WNK1: variants seen among roughly 807,000 people sequenced by gnomAD.
WNK1 encodes serine/threonine-protein kinase WNK1.
In WNK1, 38 loss-of-function variants were observed where a neutral mutation model predicts 222.8. That is an observed-to-expected ratio of 0.17 (90% CI 0.13 to 0.22). The LOEUF is 0.22. Among genes scored for constraint, WNK1 ranks in the 10% least tolerant of loss-of-function variants. WNK1 has a pLI of 1.00. For synonymous variants in WNK1, 1,090 were observed against 1,092.9 expected, an observed-to-expected ratio of 1.00 and a Z score of 0.05; for missense variants, 2,348 against 2,918.4, an observed-to-expected ratio of 0.80 and a Z score of 4.50.
chr12:779,409 T>C (rs74702368), intron 1 of WNK1, among the ~76,000 whole-genome samples: 11,360 of 137,320 alleles, frequency 0.083, 502 homozygotes, highest in African/African-American at 0.096. Context: ...TTTTTTTTTT[T>C]CTTTTTTTTT....
chr12:909,017 A>G lies in WNK1; in HGVS notation c.*225A>G. Reference sequence around the variant, plus strand: ...GGAAGGAAAGAACAGCTTTTTTGTCAAGGGGCAGCTTCAGACCATGCTTTC... The same window carrying G: ...GGAAGGAAAGAACAGCTTTTTTGTCGAGGGGCAGCTTCAGACCATGCTTTC... On this transcript the variant is annotated 3_prime_UTR_variant, in exon 28 of 28. Coordinates refer to ENST00000315939, the MANE Select transcript of WNK1 (RefSeq NM_018979.4). 1.7e-6 allele frequency: 1 copy of G among 583,104 alleles called. No individual in the cohort carries two copies. The highest frequency in any genetic ancestry group is 3.0e-6 in the Non-Finnish European group (1 of 328,648). The allele number at this position is 583,104 out of a possible 1,614,324, so 36.1% of individuals were successfully genotyped here.
intron 26 of WNK1, chr12:904,564 G>A: frequency 9.3e-7 from 1 of 1,076,652 alleles, no homozygotes; most frequent in African/African-American, 1.6e-5. Flanking sequence ...TTTCAACTCT[G>A]CAGTCTCATA....
chr12:819,282 A>G (rs917209063), intron 2 of WNK1, among the ~76,000 whole-genome samples: 6 of 152,128 alleles, frequency 3.9e-5, no homozygotes, highest in African/African-American at 1.4e-4. Flanking sequence ...ATTTTCTCCT[A>G]TAGGTTGCCT....
chr12:884,760 C>G lies in WNK1; in HGVS notation c.3956C>G (p.Pro1319Arg), dbSNP rs867339979. ...AGACGTGCCCAAATGACAGAAGGAC[C>G]CAACACAGCACCTCCAAACTTTAGT... ...ELRRAQMTEG[P>R]NTAPPNFSHT... Residue 1319 changes from proline (P) to arginine (R), a missense_variant, in exon 19 of 28, where the codon CCC becomes CGC. By Grantham distance (103) the Pro-to-Arg change is moderately radical (BLOSUM62 -2). Coordinates refer to ENST00000315939, the MANE Select transcript of WNK1 (RefSeq NM_018979.4). The surrounding 1 kb of genome is among the most constrained non-coding windows in gnomAD (Gnocchi z 5.6). 1 of 1,614,114 alleles carries G rather than the reference C, an allele frequency of 6.2e-7. No homozygotes were observed.
chr12:883,340 G>T (rs1159050059), intron 15 of WNK1, 55 bp from the exon 16 acceptor site: 1 of 1,593,066 alleles, frequency 6.3e-7, no homozygotes, highest in African/African-American at 1.3e-5. Context: ...TCATAAAAGT[G>T]ACATAAAGTT....
At chr12:868,182 A>G (rs1448639858) in intron 8 of WNK1, 1 of 1,613,974 alleles carries the variant, frequency 6.2e-7, no homozygotes. Context: ...ATACAGGTCC[A>G]TCCTATGTTT....
At chr12:756,027 T>A (rs1939976164) in intron 1 of WNK1, among the ~76,000 whole-genome samples, 1 of 152,216 alleles carries the variant, frequency 6.6e-6, no homozygotes, top group Non-Finnish European at 1.5e-5. Flanking sequence ...TTCCTTTTGG[T>A]TTACAGGCAG....
intron 4 of WNK1, among the ~76,000 whole-genome samples, chr12:842,661 A>T (rs1198849867): frequency 2.0e-5 from 3 of 151,986 alleles, no homozygotes; most frequent in Admixed American, 6.6e-5. Flanking sequence ...TTTTGTCAAG[A>T]CCCATCATTG....
intron 1 of WNK1, among the ~76,000 whole-genome samples, chr12:762,826 A>G (rs1040293569): frequency 2.7e-5 from 4 of 145,874 alleles, no homozygotes; most frequent in African/African-American, 7.4e-5. Flanking sequence ...GGCTCACCAC[A>G]ACATTTGCCT....
At chr12:887,345 T>C in intron 20 of WNK1, 41 bp downstream of exon 20, 14 of 1,603,712 alleles carry the variant, frequency 8.7e-6, no homozygotes, top group Non-Finnish European at 1.2e-5. Flanking sequence ...TGCCCTACTT[T>C]CTTTGACAAA....
In WNK1 at chr12:761,298, A is replaced by G. The variant is rs1272634242; in HGVS notation, c.759+6974A>G. 5.4e-5 allele frequency among the ~76,000 whole-genome samples: 8 copies of G among 148,224 alleles called. 2 individuals are homozygous for G. The highest frequency in any genetic ancestry group is 1.1e-4 in the Non-Finnish European group (7 of 66,328). On this transcript the variant is annotated intron_variant, in intron 1 of 27. Transcript: ENST00000315939. ...TTTGCCAAATTACCATATTAAATAC[A>G]TTATGCTAAATGAATATGTTGGAAT...
chr12:810,309 TAAG>T (rs1946793336), intron 1 of WNK1, among the ~76,000 whole-genome samples: 1 of 151,872 alleles, frequency 6.6e-6, no homozygotes, highest in South Asian at 2.1e-4. Context: ...CAGAAAATGA[TAAG>T]GAGGGAGTAT....
intron 8 of WNK1, chr12:868,719 A>T: frequency 1.2e-6 from 2 of 1,613,900 alleles, no homozygotes; most frequent in Non-Finnish European, 1.7e-6. Context: ...GTTGCAGTGG[A>T]CTTGAATCAA....
intron 1 of WNK1, among the ~76,000 whole-genome samples, chr12:755,858 C>A (rs928626507): frequency 6.6e-6 from 1 of 152,174 alleles, no homozygotes; most frequent in Non-Finnish European, 1.5e-5. Flanking sequence ...GCCTGTAATT[C>A]CAACTACTCG....
At chr12:873,393 A>T (rs566751971) in intron 9 of WNK1, among the ~76,000 whole-genome samples, 1 of 152,312 alleles carries the variant, frequency 6.6e-6, no homozygotes, top group Admixed American at 6.5e-5. Flanking sequence ...ATATGGCTAA[A>T]TGCTATCTCT....
chr12:868,286 G>C lies in WNK1; in HGVS notation c.2140-2979G>C, dbSNP rs1241137366. 10 of 1,605,854 alleles carry C rather than the reference G, an allele frequency of 6.2e-6. No individual in the cohort carries two copies. In the East Asian group the frequency reaches 2.2e-4, roughly 36 times the overall value. ...TCCTCAGGAAGCAGTGTATGTAGCT[G>C]GGGTACATTACCAGGCCCGGGTGGC... On this transcript the variant is annotated intron_variant, in intron 8 of 27. Coordinates refer to ENST00000315939, the MANE Select transcript of WNK1 (RefSeq NM_018979.4).
chr12:899,230 A>G (rs1322766802), intron 25 of WNK1, among the ~76,000 whole-genome samples: 2 of 152,204 alleles, frequency 1.3e-5, no homozygotes, highest in East Asian at 3.8e-4. Context: ...GGGCCAGTTC[A>G]TGCAGCCCAT....
Position 753,975 on chromosome 12 carries a change from C to T in WNK1, c.410C>T (p.Pro137Leu), listed in dbSNP as rs758263246. The T allele has an allele frequency of 3.1e-6, 5 of 1,595,354 alleles. No homozygotes were observed. In the African/African-American group the frequency reaches 4.0e-5, roughly 13 times the overall value. ...ATATSQVAQQ[P>L]PAAAAPGEQA... ...GCCACTTCCCAGGTAGCCCAGCAGCCTCCAGCCGCTGCCGCCCCTGGGGAA... is the reference window on the plus strand; with the variant it reads ...GCCACTTCCCAGGTAGCCCAGCAGCTTCCAGCCGCTGCCGCCCCTGGGGAA... The change falls in exon 1 of 28, where the codon CCT becomes CTT. Residue 137 changes from proline to leucine, a missense_variant. Transcript: ENST00000315939. This position sits in a 1 kb window ranked among gnomAD's most constrained non-coding sequence, Gnocchi z 5.2.
At chr12:886,241 C>G (rs1277672095) in intron 19 of WNK1, among the ~76,000 whole-genome samples, 157 bp downstream of exon 19, 2 of 151,906 alleles carry the variant, frequency 1.3e-5, no homozygotes, top group African/African-American at 4.8e-5. Flanking sequence ...GAGGGTATAT[C>G]TACAATGAAC....
Sources: allele counts gnomAD v4.1 joint callset (sites outside exome capture counted in the v4.1 genomes callset), GRCh38; gene constraint gnomAD v4.1.1; non-coding constraint Gnocchi (gnomAD v3.1); transcripts MANE v1.5; gene names NCBI Gene and HGNC (gene_info 2026-07-23, HGNC 2026-07-21).